Variants in CLVS1 observed in about 807,000 individuals in gnomAD.
The protein encoded by CLVS1 is clavesin-1.
A neutral mutation model predicts 33.1 loss-of-function variants in CLVS1; 10 were observed. That is an observed-to-expected ratio of 0.30 (90% CI 0.19 to 0.51). CLVS1 has a LOEUF of 0.51. Ranked by LOEUF, CLVS1 falls within the 20% of genes least tolerant of loss-of-function variation. CLVS1 has a pLI of 0.97. For missense variants in CLVS1, 343 were observed against 433.4 expected, an observed-to-expected ratio of 0.79 and a Z score of 1.85; for synonymous variants, 163 against 166.1, an observed-to-expected ratio of 0.98 and a Z score of 0.14.
the CLVS1 span, among the ~76,000 whole-genome samples, chr8:61,049,520 C>T: frequency 2.0e-5 from 3 of 152,118 alleles, no homozygotes; most frequent in Non-Finnish European, 2.9e-5. Context: ...TATCATTAAA[C>T]GATAGGAAAG....
chr8:61,134,591 G>A (rs907940674), intron 2 of CLVS1, among the ~76,000 whole-genome samples: 5 of 152,138 alleles, frequency 3.3e-5, no homozygotes, highest in African/African-American at 1.2e-4. Flanking sequence ...TTGCCTTTTT[G>A]CAGTCCCAGA....
chr8:61,036,385 G>T, the CLVS1 span, among the ~76,000 whole-genome samples: 12 of 152,216 alleles, frequency 7.9e-5, no homozygotes, highest in Admixed American at 7.9e-4. Flanking sequence ...TGTGGCAGCT[G>T]CAGGTGGGGC....
chr8:61,351,695 G>T (rs555368932), intron 2 of CLVS1, among the ~76,000 whole-genome samples: 2 of 152,136 alleles, frequency 1.3e-5, no homozygotes, highest in East Asian at 3.9e-4. Flanking sequence ...CAGAGAGAAA[G>T]AACACATCAC....
intron 5 of CLVS1, among the ~76,000 whole-genome samples, chr8:61,481,046 G>T (rs535729556): frequency 2.0e-5 from 3 of 152,156 alleles, no homozygotes; most frequent in Non-Finnish European, 4.4e-5. Flanking sequence ...ATGCATTCTT[G>T]GTTTAGAGGA....
chr8:61,371,762 A>G (rs1372000727), intron 2 of CLVS1, among the ~76,000 whole-genome samples: 1 of 152,216 alleles, frequency 6.6e-6, no homozygotes, highest in Non-Finnish European at 1.5e-5. Context: ...CTGTTGACTT[A>G]GGTTTTAAAG....
chr8:61,185,931 T>C (rs1444998419), intron 2 of CLVS1, among the ~76,000 whole-genome samples: 2 of 152,246 alleles, frequency 1.3e-5, no homozygotes, highest in Non-Finnish European at 2.9e-5. Context: ...ACTGCCATGT[T>C]TCCAAATCTT....
At chr8:61,357,651 G>C (rs1335016506) in intron 2 of CLVS1, among the ~76,000 whole-genome samples, 2 of 151,184 alleles carry the variant, frequency 1.3e-5, no homozygotes, top group African/African-American at 4.9e-5. Context: ...GATTACAGGT[G>C]CCTGCCACCA....
chr8:61,314,848 A>T (rs924505893), intron 2 of CLVS1, among the ~76,000 whole-genome samples: 18 of 152,278 alleles, frequency 1.2e-4, no homozygotes, highest in Middle Eastern at 3.4e-3. Flanking sequence ...CTCTCTTTCT[A>T]ATTTCCTGTA....
chr8:61,478,212 T>C (rs1036023953), intron 5 of CLVS1, among the ~76,000 whole-genome samples: 1 of 152,198 alleles, frequency 6.6e-6, no homozygotes, highest in African/African-American at 2.4e-5. Context: ...TCTTTTACAT[T>C]TGCTGAGGAG....
At chr8:61,474,052 G>A (rs754910767) in intron 5 of CLVS1, among the ~76,000 whole-genome samples, 14 of 152,220 alleles carry the variant, frequency 9.2e-5, no homozygotes, top group Non-Finnish European at 1.9e-4. Flanking sequence ...GGGAATGGAG[G>A]AGAACTCTCA....
chr8:61,312,448 A>G lies in CLVS1; in HGVS notation c.455+12166A>G, dbSNP rs147226835. 4.4e-3 allele frequency among the ~76,000 whole-genome samples: 677 copies of G among 152,318 alleles called. 10 individuals carry two copies. The highest frequency in any genetic ancestry group is 0.016 in the African/African-American group (661 of 41,566). ...TCAGATAAGAAAGTAAAGACAGGGT[A>G]AATTTTGTTGTGAAGGTTTTAAAGT... On this transcript the variant is annotated intron_variant, in intron 2 of 5. Coordinates refer to ENST00000325897, the MANE Select transcript of CLVS1 (RefSeq NM_173519.3).
intron 3 of CLVS1, among the ~76,000 whole-genome samples, chr8:61,426,336 C>T (rs561830053): frequency 1.3e-5 from 2 of 152,136 alleles, no homozygotes; most frequent in East Asian, 3.9e-4. Flanking sequence ...TTCTAGCTCA[C>T]GATTGTGTGC....
At chr8:61,034,764 G>T in the CLVS1 span, among the ~76,000 whole-genome samples, 115 of 152,272 alleles carry the variant, frequency 7.6e-4, no homozygotes, top group Non-Finnish European at 1.3e-3. Flanking sequence ...ATGGTATCCA[G>T]TATTTTCCAA....
At chr8:61,375,412 A>G (rs967155648) in intron 2 of CLVS1, among the ~76,000 whole-genome samples, 3 of 151,872 alleles carry the variant, frequency 2.0e-5, no homozygotes, top group African/African-American at 7.3e-5. Context: ...CACCACGCCC[A>G]GCTAATTTTT....
At chr8:61,084,865 A>G (rs1805090871) in intron 1 of CLVS1, among the ~76,000 whole-genome samples, 1 of 152,238 alleles carries the variant, frequency 6.6e-6, no homozygotes, top group African/African-American at 2.4e-5. Flanking sequence ...GAGGCATTCA[A>G]GTATTTTCCA....
chr8:61,106,769 T>C (rs1336238952), intron 1 of CLVS1, among the ~76,000 whole-genome samples: 1 of 152,150 alleles, frequency 6.6e-6, no homozygotes, highest in Admixed American at 6.5e-5. Context: ...TCCCAGGTAC[T>C]GTGAAGCTTC....
intron 2 of CLVS1, among the ~76,000 whole-genome samples, chr8:61,216,619 T>C (rs541670877): frequency 6.6e-6 from 1 of 152,326 alleles, no homozygotes; most frequent in African/African-American, 2.4e-5. Context: ...GATGACAGTT[T>C]AGTAATAGTA....
intron 5 of CLVS1, among the ~76,000 whole-genome samples, chr8:61,466,345 G>A (rs540382001): frequency 1.3e-5 from 2 of 152,282 alleles, no homozygotes; most frequent in South Asian, 4.1e-4. Flanking sequence ...CACAACTGGA[G>A]ACTTCTCAGG....
chr8:61,440,204 A>G (rs888202294), intron 3 of CLVS1, among the ~76,000 whole-genome samples: 1 of 152,212 alleles, frequency 6.6e-6, no homozygotes, highest in Non-Finnish European at 1.5e-5. Context: ...AGAGCTCAAT[A>G]ACTACTTGTT....
Sources: allele counts gnomAD v4.1 joint callset (sites outside exome capture counted in the v4.1 genomes callset), GRCh38; gene constraint gnomAD v4.1.1; transcripts MANE v1.5; gene names NCBI Gene and HGNC (gene_info 2026-07-23, HGNC 2026-07-21).